The following SCHIP1 variants were observed in gnomAD, a reference collection of about 807,000 sequenced individuals.
SCHIP1 encodes the protein schwannomin interacting protein 1.
In SCHIP1, 8 loss-of-function variants were observed where a neutral mutation model predicts 29.7. That is an observed-to-expected ratio of 0.27 (90% CI 0.16 to 0.49). The LOEUF is 0.49. Among genes scored for constraint, SCHIP1 ranks in the 20% least tolerant of loss-of-function variants. The probability of loss-of-function intolerance (pLI) is 0.99; values close to 1 mark genes in which losing one functional copy is unlikely to be tolerated. For synonymous variants in SCHIP1, 76 were observed against 94.9 expected, an observed-to-expected ratio of 0.80 and a Z score of 1.16; for missense variants, 193 against 294.6, an observed-to-expected ratio of 0.66 and a Z score of 2.52.
the SCHIP1 span, among the ~76,000 whole-genome samples, chr3:159,590,003 T>A: frequency 2.6e-5 from 4 of 152,192 alleles, no homozygotes; most frequent in African/African-American, 2.4e-5. Context: ...AATAATTTTT[T>A]AATATATGTC....
the SCHIP1 span, among the ~76,000 whole-genome samples, chr3:159,426,889 C>G: frequency 6.6e-6 from 1 of 152,088 alleles, no homozygotes; most frequent in Admixed American, 6.6e-5. Context: ...TATACGCAAA[C>G]CAATAAATGT....
the SCHIP1 span, among the ~76,000 whole-genome samples, chr3:159,464,947 G>A: frequency 6.6e-6 from 1 of 152,032 alleles, no homozygotes; most frequent in Non-Finnish European, 1.5e-5. Flanking sequence ...GTGATATAAG[G>A]GTCTGGATCT....
At chr3:159,303,434 T>C in the SCHIP1 span, among the ~76,000 whole-genome samples, 17,125 of 106,748 alleles carry the variant, frequency 0.16, 1,096 homozygotes, top group Middle Eastern at 0.21. Flanking sequence ...TACAAATGAA[T>C]GTAAAGAGAG....
chr3:159,559,887 C>T, the SCHIP1 span, among the ~76,000 whole-genome samples: 1 of 152,120 alleles, frequency 6.6e-6, no homozygotes, highest in African/African-American at 2.4e-5. Flanking sequence ...CATTTGGCTT[C>T]AACCCAACAA....
chr3:159,604,353 G>C, the SCHIP1 span, among the ~76,000 whole-genome samples: 1 of 152,152 alleles, frequency 6.6e-6, no homozygotes, highest in Admixed American at 6.5e-5. Context: ...GCAGACCCAA[G>C]AGAATCATTT....
At chr3:159,713,541 A>T in the SCHIP1 span, among the ~76,000 whole-genome samples, 1 of 152,230 alleles carries the variant, frequency 6.6e-6, no homozygotes, top group African/African-American at 2.4e-5. Flanking sequence ...GCATATAGTA[A>T]AATTTAGTTT....
the SCHIP1 span, among the ~76,000 whole-genome samples, chr3:159,782,207 G>A: frequency 6.6e-6 from 1 of 152,248 alleles, no homozygotes; most frequent in Non-Finnish European, 1.5e-5. Context: ...TCAAGCTATG[G>A]CAGAGTGCTG....
At chr3:159,751,588 A>G in the SCHIP1 span, among the ~76,000 whole-genome samples, 1 of 150,188 alleles carries the variant, frequency 6.7e-6, no homozygotes, top group Non-Finnish European at 1.5e-5. Flanking sequence ...CCTGTCACAC[A>G]GGCTGGAGTG....
At chr3:159,598,490 T>C in the SCHIP1 span, among the ~76,000 whole-genome samples, 2 of 152,124 alleles carry the variant, frequency 1.3e-5, no homozygotes, top group Non-Finnish European at 2.9e-5. Flanking sequence ...AGTGGGACAG[T>C]CATTAAATCT....
chr3:159,658,406 C>T, the SCHIP1 span, among the ~76,000 whole-genome samples: 1 of 152,186 alleles, frequency 6.6e-6, no homozygotes, highest in Non-Finnish European at 1.5e-5. Flanking sequence ...AGATACAATA[C>T]ACCCAGTTTT....
At chr3:159,826,436 A>T in the SCHIP1 span, among the ~76,000 whole-genome samples, 2 of 152,216 alleles carry the variant, frequency 1.3e-5, no homozygotes, top group Non-Finnish European at 2.9e-5. Flanking sequence ...AACCATCAGT[A>T]CAAGTTTCCA....
chr3:159,593,682 C>T, the SCHIP1 span, among the ~76,000 whole-genome samples: 2 of 149,936 alleles, frequency 1.3e-5, no homozygotes, highest in East Asian at 3.8e-4. Flanking sequence ...CTCCCGCTGC[C>T]ACCCATTGTA....
At chr3:159,680,743 A>AATATATGTATATATATATACATATATT in the SCHIP1 span, among the ~76,000 whole-genome samples, 1 of 16,206 alleles carries the variant, frequency 6.2e-5, no homozygotes, top group Non-Finnish European at 1.9e-4. Flanking sequence ...ATACATATAT[A>AATATATGTATATATATATACATATATT]ATATATGCTT....
chr3:159,876,230 G>A (rs1419537965), intron 2 of SCHIP1, among the ~76,000 whole-genome samples: 2 of 152,206 alleles, frequency 1.3e-5, no homozygotes, highest in African/African-American at 2.4e-5. Flanking sequence ...ATGAGGTGGT[G>A]TATCCACATG....
chr3:159,445,125 C>T, the SCHIP1 span, among the ~76,000 whole-genome samples: 1 of 152,116 alleles, frequency 6.6e-6, no homozygotes, highest in East Asian at 1.9e-4. Context: ...GCAACCTACT[C>T]ATCTGACAAA....
chr3:159,470,632 A>G, the SCHIP1 span, among the ~76,000 whole-genome samples: 1 of 152,090 alleles, frequency 6.6e-6, no homozygotes, highest in African/African-American at 2.4e-5. Context: ...TTTCCAGGTT[A>G]AGAAGACTAA....
chr3:159,873,848 G>T (rs892106174), intron 2 of SCHIP1, among the ~76,000 whole-genome samples: 2 of 152,118 alleles, frequency 1.3e-5, no homozygotes, highest in African/African-American at 4.8e-5. Flanking sequence ...AAATATTAGG[G>T]TTAGTCATAT....
chr3:159,530,065 G>A, the SCHIP1 span, among the ~76,000 whole-genome samples: 1 of 152,202 alleles, frequency 6.6e-6, no homozygotes, highest in African/African-American at 2.4e-5. Context: ...ACATGGTAAT[G>A]CAGATACTTC....
At chr3:159,828,385 A>G in the SCHIP1 span, among the ~76,000 whole-genome samples, 5,455 of 71,672 alleles carry the variant, frequency 0.076, 817 homozygotes, top group African/African-American at 0.23. Context: ...ACATATATAT[A>G]TACATATATA....
Sources: allele counts gnomAD v4.1 joint callset (sites outside exome capture counted in the v4.1 genomes callset), GRCh38; gene constraint gnomAD v4.1.1; transcripts MANE v1.5; gene names NCBI Gene and HGNC (gene_info 2026-07-23, HGNC 2026-07-21).